Variants in STK17B observed in about 807,000 individuals in gnomAD.
STK17B encodes serine/threonine-protein kinase 17B.
In STK17B, 21 loss-of-function variants were observed where a neutral mutation model predicts 42.0. The ratio of observed to expected loss-of-function variants is 0.50; its 90% CI spans 0.35 to 0.72. The LOEUF (loss-of-function observed/expected upper bound fraction) is 0.72. Ranked by LOEUF, STK17B falls within the 30% of genes least tolerant of loss-of-function variation. The probability of loss-of-function intolerance (pLI) is 0.00; values close to 1 mark genes in which losing one functional copy is unlikely to be tolerated. For missense variants in STK17B, 349 were observed against 446.0 expected, an observed-to-expected ratio of 0.78 and a Z score of 1.96; for synonymous variants, 143 against 148.4, an observed-to-expected ratio of 0.96 and a Z score of 0.26.
At chr2:196,147,288 C>T (rs1368958908) in intron 3 of STK17B, among the ~76,000 whole-genome samples, 2 of 122,180 alleles carry the variant, frequency 1.6e-5, no homozygotes, top group Non-Finnish European at 3.5e-5. Context: ...ACTGCTACAA[C>T]CACATCAAGA....
At chr2:196,139,585 A>C (rs1699462862) in intron 7 of STK17B, 35 bp downstream of exon 7, 1 of 1,277,096 alleles carries the variant, frequency 7.8e-7, no homozygotes, top group Non-Finnish European at 1.0e-6. Flanking sequence ...AAACAAATTA[A>C]ATTTGTAATA....
chr2:196,163,965 G>C (rs1381002810), intron 1 of STK17B, among the ~76,000 whole-genome samples: 1 of 151,998 alleles, frequency 6.6e-6, no homozygotes, highest in Non-Finnish European at 1.5e-5. Flanking sequence ...CTTGAGCCCA[G>C]AAGTTTGAGG....
chr2:196,140,365 A>G (rs1699476080), intron 6 of STK17B, among the ~76,000 whole-genome samples: 1 of 152,246 alleles, frequency 6.6e-6, no homozygotes, highest in South Asian at 2.1e-4. Flanking sequence ...CACAGAACAC[A>G]GAACAGGTCT....
Position 196,137,490 on chromosome 2 carries a change from G to A in STK17B, c.1076C>T (p.Ser359Leu). The A allele has an allele frequency of 6.2e-7, 1 of 1,614,146 alleles. No individual in the cohort carries two copies. Among genetic ancestry groups the A allele is most frequent in the East Asian group, 2.2e-5 (1 of 44,860 alleles). ...MVSKRFRFDD[S>L]LPNPHELVSD... is the part of the protein sequence containing the mutation. ...AACAAGTTCATGGGGATTGGGTAATGAGTCATCGAAACGAAATCTTTTGGA... is the reference window on the plus strand; with the variant it reads ...AACAAGTTCATGGGGATTGGGTAATAAGTCATCGAAACGAAATCTTTTGGA... The change falls in exon 8 of 8, where the codon TCA becomes TTA. Residue 359 changes from serine (S) to leucine (L), a missense_variant. Around this residue, in one of 3 missense-constraint regions of STK17B, gnomAD observed 87 missense variants for 78.8 expected, o/e 1.10. Coordinates refer to ENST00000263955, the MANE Select transcript of STK17B (RefSeq NM_004226.4).
intron 2 of STK17B, among the ~76,000 whole-genome samples, chr2:196,160,417 T>C (rs1699795633): frequency 6.6e-6 from 1 of 152,178 alleles, no homozygotes; most frequent in Non-Finnish European, 1.5e-5. Flanking sequence ...TTGAGAATAG[T>C]AAAAAATGAA....
Position 196,139,748 on chromosome 2 carries a change from C to T in STK17B, c.708G>A (p.Val236=). The change falls in exon 7 of 8, where the codon GTG becomes GTA. Residue 236 remains valine (V), a synonymous_variant. Transcript: ENST00000263955. The part of the protein sequence containing the change: ...YMLLTHTSPF[V]GEDNQETYLN... Reference sequence around the variant, plus strand: ...GGTATGTTTCTTGATTATCTTCTCCCACAAATGGTGATGTGTGAGTTAACA... The same window carrying T: ...GGTATGTTTCTTGATTATCTTCTCCTACAAATGGTGATGTGTGAGTTAACA... 1 of 1,448,262 alleles carries T rather than the reference C, an allele frequency of 6.9e-7. No individual in the cohort carries two copies. The highest frequency in any genetic ancestry group is 1.6e-5 in the South Asian group (1 of 61,334). The allele number at this position is 1,448,262 out of a possible 1,614,324, so 89.7% of individuals were successfully genotyped here.
chr2:196,145,241 A>AATT (rs1291290714), intron 4 of STK17B, among the ~76,000 whole-genome samples: 4 of 151,734 alleles, frequency 2.6e-5, no homozygotes, highest in Non-Finnish European at 4.4e-5. Context: ...GAGATTTTTG[A>AATT]ATTATTATTA....
chr2:196,163,534 G>T, intron 1 of STK17B, 107 bp from the exon 2 acceptor site: 1 of 781,468 alleles, frequency 1.3e-6, no homozygotes, highest in Non-Finnish European at 1.8e-6. Context: ...AAAAAAAAAA[G>T]ATTTAAAGAG....
chr2:196,147,965 T>C (rs1699606819), intron 3 of STK17B, among the ~76,000 whole-genome samples: 1 of 152,132 alleles, frequency 6.6e-6, no homozygotes, highest in South Asian at 2.1e-4. Context: ...CTTGACCTCG[T>C]GATCTGCCCA....
At position 196,146,039 on chromosome 2, in the gene STK17B, T is replaced by C; in HGVS notation, c.352A>G (p.Ile118Val). The change falls in exon 4 of 8, where the codon ATT becomes GTT. Residue 118 changes from isoleucine to valine, a missense_variant. Physicochemically the swap from Ile to Val is conservative, Grantham distance 29. Transcript: ENST00000263955. Reference protein sequence around the residue: ...LILEYAAGGEIFSLCLPELAE... With the variant: ...LILEYAAGGEVFSLCLPELAE... ...AACTCAGGTAAACACAGGCTGAAAATTTCTCCACCTGCAGCACTAAAATAA... is the reference window on the plus strand; with the variant it reads ...AACTCAGGTAAACACAGGCTGAAAACTTCTCCACCTGCAGCACTAAAATAA... The C allele has an allele frequency of 6.3e-7, 1 of 1,588,868 alleles. No homozygotes were observed. Among genetic ancestry groups the C allele is most frequent in the Non-Finnish European group, 8.5e-7 (1 of 1,172,828 alleles).
intron 6 of STK17B, 125 bp downstream of exon 6, chr2:196,141,124 A>G: frequency 1.4e-6 from 1 of 697,452 alleles, no homozygotes; most frequent in Non-Finnish European, 2.4e-6. Context: ...TAGCATAATA[A>G]TGATATTCAA....
chr2:196,169,651 G>A (rs2105717980), intron 1 of STK17B, among the ~76,000 whole-genome samples: 1 of 152,288 alleles, frequency 6.6e-6, no homozygotes, highest in South Asian at 2.1e-4. Flanking sequence ...AAAAATGCTT[G>A]TATCTTCTTC....
In STK17B at chr2:196,137,493, T is replaced by A. The variant is rs2105670790; in HGVS notation, c.1073A>T (p.Asp358Val). ...AAGTTCATGGGGATTGGGTAATGAG[T>A]CATCGAAACGAAATCTTTTGGAAAC... Reference protein sequence around the residue: ...SMVSKRFRFDDSLPNPHELVS... With the variant: ...SMVSKRFRFDVSLPNPHELVS... Residue 358 changes from aspartate (D) to valine (V), a missense_variant, in exon 8 of 8, where the codon GAC becomes GTC. Asp to Val is a radical substitution (Grantham distance 152). Transcript: ENST00000263955. The A allele has an allele frequency of 6.2e-7, 1 of 1,614,014 alleles. No homozygotes were observed. The highest frequency in any genetic ancestry group is 8.5e-7 in the Non-Finnish European group (1 of 1,179,984).
upstream of STK17B, among the ~76,000 whole-genome samples, chr2:196,172,467 A>G (rs554228302): frequency 2.7e-3 from 409 of 152,362 alleles, 5 homozygotes; most frequent in Non-Finnish European, 4.3e-4. Context: ...CGATAATTGC[A>G]GAAAACCCTT....
chr2:196,159,010 CA>C (rs5837492), intron 2 of STK17B, among the ~76,000 whole-genome samples: 29 of 127,576 alleles, frequency 2.3e-4, no homozygotes, highest in Non-Finnish European at 2.6e-4. Context: ...GACTGTGTCT[CA>C]AAAAAAAAAA....
chr2:196,153,403 T>C (rs895795160), intron 3 of STK17B: 2 of 152,106 alleles, frequency 1.3e-5, no homozygotes, highest in African/African-American at 4.8e-5. Flanking sequence ...AGAGGGGAGA[T>C]GCATATATAG....
chr2:196,158,488 G>A (rs974432197), intron 2 of STK17B, among the ~76,000 whole-genome samples: 1 of 152,118 alleles, frequency 6.6e-6, no homozygotes, highest in Admixed American at 6.5e-5. Flanking sequence ...ATTGTATGCA[G>A]AAGGAATACA....
At chr2:196,158,767 T>C (rs1699773115) in intron 2 of STK17B, among the ~76,000 whole-genome samples, 1 of 151,942 alleles carries the variant, frequency 6.6e-6, no homozygotes, top group Non-Finnish European at 1.5e-5. Flanking sequence ...ATACCAGCAC[T>C]TGGGGAGGCC....
chr2:196,170,394 G>A (rs542756660), intron 1 of STK17B, among the ~76,000 whole-genome samples: 1 of 152,310 alleles, frequency 6.6e-6, no homozygotes, highest in Admixed American at 6.5e-5. Context: ...AACAATCGGT[G>A]AATGTGATAC....
Sources: gnomAD v4.1 joint callset for allele counts (sites outside exome capture counted in the v4.1 genomes callset) on GRCh38, gnomAD v4.1.1 for gene constraint, gnomAD v4.1.1 regional missense constraint, MANE v1.5 for transcripts, NCBI Gene and HGNC (gene_info 2026-07-23, HGNC 2026-07-21) for gene names.